Variants in FRMD5 observed in about 807,000 individuals in gnomAD.
FRMD5 encodes FERM domain containing 5, also known as FERM domain-containing protein 5.
Under a neutral mutation model 69.0 loss-of-function variants are expected in FRMD5, and 20 were observed. The ratio of observed to expected loss-of-function variants is 0.29; its 90% CI spans 0.20 to 0.42. The LOEUF is 0.42. FRMD5 is among the 10% of genes least tolerant of loss of function. The pLI, the probability that FRMD5 is intolerant of heterozygous loss-of-function variation, is 1.00. For synonymous variants in FRMD5, 271 were observed against 260.1 expected, an observed-to-expected ratio of 1.04 and a Z score of -0.40; for missense variants, 595 against 708.6, an observed-to-expected ratio of 0.84 and a Z score of 1.82.
At chr15:44,018,904 C>CT (rs927383285) in intron 1 of FRMD5, among the ~76,000 whole-genome samples, 2,726 of 148,244 alleles carry the variant, frequency 0.018, 75 homozygotes, top group African/African-American at 0.063. Context: ...CTTTTCTTTT[C>CT]TTTTTTTTTT....
intron 5 of FRMD5, 64 bp from the exon 6 acceptor site, chr15:43,906,015 C>T: frequency 1.2e-6 from 2 of 1,603,254 alleles, no homozygotes; most frequent in Non-Finnish European, 1.7e-6. Flanking sequence ...GACAAAGCAA[C>T]AAGAGATTAG....
At chr15:44,160,783 C>G (rs2077604371) in intron 1 of FRMD5, among the ~76,000 whole-genome samples, 1 of 152,174 alleles carries the variant, frequency 6.6e-6, no homozygotes, top group African/African-American at 2.4e-5. Context: ...CTAGCAATAT[C>G]TTAGTATTTT....
intron 13 of FRMD5, among the ~76,000 whole-genome samples, chr15:43,876,553 G>A (rs1807480251): frequency 1.3e-5 from 2 of 152,142 alleles, no homozygotes; most frequent in African/African-American, 2.4e-5. Context: ...GGGGAGAAGG[G>A]GAATATGTCA....
At chr15:43,984,722 G>A (rs1159312297) in intron 1 of FRMD5, among the ~76,000 whole-genome samples, 2 of 152,206 alleles carry the variant, frequency 1.3e-5, no homozygotes, top group African/African-American at 2.4e-5. Context: ...AGTGGCTCAC[G>A]CCTGTAATCC....
chr15:44,058,266 A>G (rs1475232922), intron 1 of FRMD5, among the ~76,000 whole-genome samples: 1 of 152,198 alleles, frequency 6.6e-6, no homozygotes, highest in African/African-American at 2.4e-5. Context: ...GGTAGGTATA[A>G]TTATGTTTAT....
chr15:44,133,149 G>T (rs1316869339), intron 1 of FRMD5, among the ~76,000 whole-genome samples: 1 of 151,682 alleles, frequency 6.6e-6, no homozygotes, highest in Non-Finnish European at 1.5e-5. Flanking sequence ...GGGAGTCGGA[G>T]ATTGCAGTGA....
intron 7 of FRMD5, among the ~76,000 whole-genome samples, chr15:43,893,659 A>G (rs1478931955): frequency 6.6e-6 from 1 of 152,166 alleles, no homozygotes; most frequent in Admixed American, 6.5e-5. Context: ...AGGTGGTGCC[A>G]TGGAGTTAGG....
chr15:44,040,131 A>C (rs1179295687), intron 1 of FRMD5, among the ~76,000 whole-genome samples: 1 of 151,690 alleles, frequency 6.6e-6, no homozygotes, highest in Non-Finnish European at 1.5e-5. Flanking sequence ...GAGAAATAAG[A>C]GTGAAAAGAA....
intron 13 of FRMD5, among the ~76,000 whole-genome samples, chr15:43,878,932 C>CTTTTTTTTTTTTTTTTTT (rs71421808): frequency 8.9e-5 from 10 of 112,902 alleles, no homozygotes; most frequent in South Asian, 2.9e-4. Context: ...TTTTTCTTTT[C>CTTTTTTTTTTTTTTTTTT]TTTTTTTTTT....
At chr15:43,927,198 T>C (rs532003517) in intron 1 of FRMD5, among the ~76,000 whole-genome samples, 5 of 152,220 alleles carry the variant, frequency 3.3e-5, no homozygotes, top group Non-Finnish European at 7.3e-5. Context: ...CTTGAATTTC[T>C]TGAAAGAATT....
intron 1 of FRMD5, among the ~76,000 whole-genome samples, chr15:44,042,537 C>T (rs566200268): frequency 6.6e-6 from 1 of 152,164 alleles, no homozygotes; most frequent in Non-Finnish European, 1.5e-5. Context: ...CAATAAAATA[C>T]TGGCAAACTG....
At chr15:44,054,845 G>A (rs1396967297) in intron 1 of FRMD5, among the ~76,000 whole-genome samples, 2 of 151,976 alleles carry the variant, frequency 1.3e-5, no homozygotes, top group African/African-American at 2.4e-5. Flanking sequence ...GCCGAGGCGG[G>A]CACATCACGA....
At chr15:43,988,915 T>G (rs1485293664) in intron 1 of FRMD5, 1 of 520,208 alleles carries the variant, frequency 1.9e-6, no homozygotes, top group African/African-American at 1.9e-5. Flanking sequence ...TGCTGTCACC[T>G]TCACCATTCC....
At chr15:43,983,847 C>T (rs903602754) in intron 1 of FRMD5, among the ~76,000 whole-genome samples, 3 of 152,118 alleles carry the variant, frequency 2.0e-5, no homozygotes, top group African/African-American at 4.8e-5. Context: ...TCTTCAGGGG[C>T]CTAGTGAGAG....
chr15:44,014,705 C>A (rs1022609107), intron 1 of FRMD5, among the ~76,000 whole-genome samples: 2 of 152,008 alleles, frequency 1.3e-5, no homozygotes, highest in Non-Finnish European at 2.9e-5. Context: ...CCAATGCACT[C>A]CAGCCTGGGT....
chr15:44,088,152 T>C (rs1163989687), intron 1 of FRMD5, among the ~76,000 whole-genome samples: 1 of 152,176 alleles, frequency 6.6e-6, no homozygotes, highest in Non-Finnish European at 1.5e-5. Flanking sequence ...ACATTTTTAT[T>C]GAGATATAAT....
chr15:44,120,793 G>T (rs1371338546), intron 1 of FRMD5, among the ~76,000 whole-genome samples: 1 of 151,942 alleles, frequency 6.6e-6, no homozygotes, highest in Non-Finnish European at 1.5e-5. Flanking sequence ...CTCCCAAAGT[G>T]CTGGGACTAC....
At chr15:44,085,730 G>A (rs752500106) in intron 1 of FRMD5, among the ~76,000 whole-genome samples, 2 of 152,148 alleles carry the variant, frequency 1.3e-5, no homozygotes, top group Non-Finnish European at 2.9e-5. Flanking sequence ...AATGAATTTT[G>A]AGGTAACCAA....
At chr15:44,150,861 G>A (rs983090988) in intron 1 of FRMD5, among the ~76,000 whole-genome samples, 1 of 152,156 alleles carries the variant, frequency 6.6e-6, no homozygotes, top group Non-Finnish European at 1.5e-5. Context: ...GGAGGCCAAG[G>A]CAGGTGGATC....
Sources: allele counts gnomAD v4.1 joint callset (sites outside exome capture counted in the v4.1 genomes callset), GRCh38; gene constraint gnomAD v4.1.1; transcripts MANE v1.5; gene names NCBI Gene and HGNC (gene_info 2026-07-23, HGNC 2026-07-21).